Variants in GRM7 observed in about 807,000 individuals in gnomAD.
GRM7 encodes glutamate metabotropic receptor 7.
Under a neutral mutation model 84.5 loss-of-function variants are expected in GRM7, and 35 were observed. That is an observed-to-expected ratio of 0.41 (90% confidence interval 0.32 to 0.55). The LOEUF (loss-of-function observed/expected upper bound fraction) is 0.55. GRM7 is among the 20% of genes least tolerant of loss of function. The probability of loss-of-function intolerance (pLI) is 0.19; values close to 1 mark genes in which losing one functional copy is unlikely to be tolerated. For synonymous variants in GRM7, 487 were observed against 455.1 expected, an observed-to-expected ratio of 1.07 and a Z score of -0.89; for missense variants, 1,003 against 1,194.6, an observed-to-expected ratio of 0.84 and a Z score of 2.36.
intron 6 of GRM7, among the ~76,000 whole-genome samples, chr3:7,457,386 A>C (rs779722): frequency 6.6e-6 from 1 of 152,022 alleles, no homozygotes; most frequent in Non-Finnish European, 1.5e-5. Flanking sequence ...CCCAAATCAA[A>C]GCAAAGTCCC....
intron 9 of GRM7, among the ~76,000 whole-genome samples, chr3:7,695,043 T>C (rs1239519945): frequency 6.6e-6 from 1 of 152,150 alleles, no homozygotes; most frequent in Non-Finnish European, 1.5e-5. Context: ...CAGAGCAAAG[T>C]GTTTTTCATG....
Position 6,861,215 on chromosome 3 carries a change from C to A in GRM7, c.-174C>A, listed in dbSNP as rs959128559. ...GCGCGAGGCGCCCCAGGCTGGCAGG[C>A]GCCGCGGGACCCCTCACCCTCTCTG... On this transcript the variant is annotated 5_prime_UTR_variant, in exon 1 of 10. Transcript: ENST00000357716. This position sits in a 1 kb window ranked among gnomAD's most constrained non-coding sequence, Gnocchi z 6.4. The A allele has an allele frequency of 3.9e-6, 2 of 508,056 alleles. No homozygotes were observed. The highest frequency in any genetic ancestry group is 6.4e-6 in the Non-Finnish European group (2 of 310,382). The allele number at this position is 508,056 out of a possible 1,614,324, so 31.5% of individuals were successfully genotyped here.
intron 1 of GRM7, among the ~76,000 whole-genome samples, chr3:6,949,546 T>C (rs1405653100): frequency 6.6e-6 from 1 of 151,964 alleles, no homozygotes; most frequent in Non-Finnish European, 1.5e-5. Context: ...GGAGTTGCTC[T>C]TCTCGAGGAG....
At chr3:7,512,567 G>T (rs983542187) in intron 7 of GRM7, among the ~76,000 whole-genome samples, 4 of 140,500 alleles carry the variant, frequency 2.8e-5, no homozygotes, top group African/African-American at 7.9e-5. Flanking sequence ...TAGGGATCTT[G>T]TTTATGTTTT....
chr3:7,480,831 C>A lies in GRM7; in HGVS notation c.1515+19109C>A, dbSNP rs180842968. Among the ~76,000 whole-genome samples, 22 of 152,278 alleles carry A rather than the reference C, an allele frequency of 1.4e-4. 1 individual carries two copies. The Middle Eastern group carries it at 0.01, about 71-fold the overall frequency. On this transcript the variant is annotated intron_variant, in intron 7 of 9. Coordinates refer to ENST00000357716, the MANE Select transcript of GRM7 (RefSeq NM_000844.4). ...TAACATTCTGATTCTATTGAAGCAA[C>A]CTCGTTCAGATGAGTTGTGGACCAC...
intron 1 of GRM7, among the ~76,000 whole-genome samples, chr3:6,971,811 T>C (rs1693768497): frequency 6.6e-6 from 1 of 152,170 alleles, no homozygotes; most frequent in African/African-American, 2.4e-5. Context: ...TCACATTGAA[T>C]AAAATAAAAG....
chr3:7,632,288 G>A (rs1355068321), intron 8 of GRM7, among the ~76,000 whole-genome samples: 2 of 152,290 alleles, frequency 1.3e-5, no homozygotes, highest in Middle Eastern at 3.4e-3. Flanking sequence ...CTATATTGGC[G>A]AGAATGGAAT....
chr3:7,629,045 A>G (rs1324796117), intron 8 of GRM7, among the ~76,000 whole-genome samples: 6 of 152,192 alleles, frequency 3.9e-5, no homozygotes, highest in African/African-American at 1.2e-4. Context: ...CAATAATTCT[A>G]ATAGCCTAAC....
chr3:7,729,523 T>C (rs1223843713), intron 9 of GRM7, among the ~76,000 whole-genome samples: 2 of 152,146 alleles, frequency 1.3e-5, no homozygotes, highest in African/African-American at 4.8e-5. Context: ...GTCAACAATA[T>C]GTAATAATAA....
intron 9 of GRM7, among the ~76,000 whole-genome samples, chr3:7,709,164 G>T (rs1025995264): frequency 6.6e-6 from 1 of 152,106 alleles, no homozygotes; most frequent in South Asian, 2.1e-4. Flanking sequence ...AGACAGGATA[G>T]TATCCATGAT....
intron 1 of GRM7, among the ~76,000 whole-genome samples, chr3:6,880,812 G>C (rs1439016360): frequency 2.0e-5 from 3 of 152,152 alleles, no homozygotes; most frequent in Non-Finnish European, 2.9e-5. Context: ...GGTTTCTCCA[G>C]AAGCTTGGAG....
intron 8 of GRM7, among the ~76,000 whole-genome samples, chr3:7,649,169 A>C (rs1337438334): frequency 2.6e-5 from 4 of 151,612 alleles, no homozygotes; most frequent in African/African-American, 4.9e-5. Context: ...TCCCGGGTTC[A>C]CGCCATTCTC....
At position 7,461,638 on chromosome 3, in the gene GRM7, T is replaced by C. The variant is rs1274101312; in HGVS notation, c.1431T>C (p.Tyr477=). The change falls in exon 7 of 10, where the codon TAT becomes TAC. Residue 477 remains tyrosine (Y), a synonymous_variant. Coordinates refer to ENST00000357716, the MANE Select transcript of GRM7 (RefSeq NM_000844.4). ...FNKNGDAPGR[Y]DIFQYQTTNT... ...AGAACGGGGATGCACCTGGGCGTTA[T>C]GACATCTTTCAGTACCAGACCACAA... 1 of 1,613,160 alleles carries C rather than the reference T, an allele frequency of 6.2e-7. No individual in the cohort carries two copies. The highest frequency in any genetic ancestry group is 1.7e-5 in the Admixed American group (1 of 60,016).
intron 8 of GRM7, among the ~76,000 whole-genome samples, chr3:7,622,092 GA>G (rs1697387753): frequency 6.6e-6 from 1 of 152,146 alleles, no homozygotes; most frequent in Non-Finnish European, 1.5e-5. Flanking sequence ...CTGAGACTTG[GA>G]AAGGCAAAAT....
rs1697440144 is a variant in GRM7, at chr3:7,238,818, CCTCCT to C, written c.737-59856_737-59852del. ...TCTCCTCTCCTCTCCTCTCCTTTTC[CCTCCT>C]CTCCTCTCCCCTCCCCTCCCCTCTT... On this transcript the variant is annotated intron_variant, in intron 2 of 9. Transcript: ENST00000357716. Among the ~76,000 whole-genome samples the C allele has an allele frequency of 6.4e-5, 9 of 140,594 alleles. No individual in the cohort carries two copies. The South Asian group carries it at 2.1e-3, about 33-fold the overall frequency. 92.2% of individuals were successfully genotyped at this position (140,594 alleles called of 152,430 possible).
At chr3:7,256,513 T>C (rs1169788772) in intron 2 of GRM7, among the ~76,000 whole-genome samples, 1 of 152,214 alleles carries the variant, frequency 6.6e-6, no homozygotes, top group Non-Finnish European at 1.5e-5. Context: ...CTTTCTGTTA[T>C]GCTCCAGTAA....
intron 1 of GRM7, among the ~76,000 whole-genome samples, chr3:7,015,888 C>T (rs1410858762): frequency 2.0e-5 from 3 of 152,178 alleles, no homozygotes; most frequent in African/African-American, 7.2e-5. Flanking sequence ...TTACTCCTAC[C>T]TTACTGTGTT....
At chr3:6,955,299 G>A (rs1387975455) in intron 1 of GRM7, among the ~76,000 whole-genome samples, 1 of 152,190 alleles carries the variant, frequency 6.6e-6, no homozygotes, top group African/African-American at 2.4e-5. Flanking sequence ...ACTTTGGGAG[G>A]CCGATGCGGG....
intron 7 of GRM7, among the ~76,000 whole-genome samples, chr3:7,480,501 G>C (rs1345432646): frequency 2.0e-5 from 3 of 152,168 alleles, no homozygotes; most frequent in African/African-American, 7.2e-5. Flanking sequence ...TACCATCAAA[G>C]TCTGGCATCG....
Sources: gnomAD v4.1 joint callset for allele counts (sites outside exome capture counted in the v4.1 genomes callset) on GRCh38, gnomAD v4.1.1 for gene constraint, Gnocchi (gnomAD v3.1) non-coding constraint, MANE v1.5 for transcripts, NCBI Gene and HGNC (gene_info 2026-07-23, HGNC 2026-07-21) for gene names.